The following DACH2 variants were observed in gnomAD, a reference collection of about 807,000 sequenced individuals.
DACH2 encodes the protein dachshund homolog 2.
DACH2 carries 17 observed loss-of-function variants against 35.8 expected under a neutral mutation model. That is an observed-to-expected ratio of 0.48 (90% CI 0.33 to 0.71). DACH2 has a LOEUF of 0.71. DACH2 is among the 30% of genes least tolerant of loss of function. The pLI is 0.02. For missense variants in DACH2, 469 were observed against 472.7 expected (o/e 0.99, Z 0.07); for synonymous variants, 195 against 177.3 (o/e 1.10, Z -0.79).
intron 1 of DACH2, among the ~76,000 whole-genome samples, chrX:86,180,428 A>C (rs1432445947): frequency 9.2e-6 from 1 of 108,708 alleles, no homozygotes; most frequent in Non-Finnish European, 1.9e-5. Flanking sequence ...GTATTTTAAA[A>C]AATATAATGC....
At chrX:86,314,865 G>A (rs1297620767) in intron 1 of DACH2, among the ~76,000 whole-genome samples, 1 of 112,012 alleles carries the variant, frequency 8.9e-6, no homozygotes, top group African/African-American at 3.2e-5. Context: ...GCTAGCCAAA[G>A]TCAGTTCATG....
intron 7 of DACH2, among the ~76,000 whole-genome samples, chrX:86,747,123 CAT>C (rs1399039936): frequency 1.8e-5 from 2 of 111,310 alleles, no homozygotes; most frequent in African/African-American, 6.5e-5. Flanking sequence ...AAAATAAAGA[CAT>C]ATGAGTCTTT....
chrX:86,200,127 C>A (rs1440135512), intron 1 of DACH2, among the ~76,000 whole-genome samples: 3 of 110,326 alleles, frequency 2.7e-5, no homozygotes, highest in Non-Finnish European at 5.7e-5. Context: ...ATAAAGAGCC[C>A]AGAATTATGG....
intron 2 of DACH2, among the ~76,000 whole-genome samples, chrX:86,501,627 T>C (rs1254701975): frequency 8.9e-6 from 1 of 112,043 alleles, no homozygotes; most frequent in Non-Finnish European, 1.9e-5. Context: ...CAACTGACCT[T>C]GCTTCCCCAC....
chrX:86,605,767 C>T (rs763868985), intron 3 of DACH2, among the ~76,000 whole-genome samples: 1 of 108,069 alleles, frequency 9.3e-6, no homozygotes, highest in South Asian at 3.9e-4. Context: ...TTTTTTCAAT[C>T]TTTTTTTGTC....
intron 3 of DACH2, among the ~76,000 whole-genome samples, chrX:86,560,633 A>T (rs2039204219): frequency 1.1e-5 from 1 of 88,305 alleles, no homozygotes; most frequent in Non-Finnish European, 2.2e-5. Flanking sequence ...AACCTGAGAA[A>T]AACAAGCAAT....
rs752576150 is a variant in DACH2, at chrX:86,656,857, G to GTATATATATATA, written c.772+5713_772+5724dup. Among the ~76,000 whole-genome samples the GTATATATATATA allele has an allele frequency of 4.5e-3, 298 of 66,703 alleles. 2 individuals carry two copies. The highest frequency in any genetic ancestry group is 0.017 in the African/African-American group (231 of 13,863). 57.9% of individuals were successfully genotyped at this position (66,703 alleles called of 115,157 possible). A position where few individuals can be genotyped will look rare whatever the true frequency, so the allele number is the denominator to read the frequency against. On this transcript the variant is annotated intron_variant, in intron 4 of 11. Transcript: ENST00000373125. Reference sequence around the variant, plus strand: ...TGTATTAAAATACATGTGTGTGTGTGTATATATATATATATATATATATAT... The same window carrying GTATATATATATA: ...TGTATTAAAATACATGTGTGTGTGTGTATATATATATATATATATATATATATATATATATAT...
intron 3 of DACH2, among the ~76,000 whole-genome samples, chrX:86,546,039 A>T (rs181352105): frequency 5.7e-4 from 50 of 88,119 alleles, no homozygotes; most frequent in Admixed American, 9.4e-4. Flanking sequence ...AGAATATGAA[A>T]TAAAACATTG....
At chrX:86,632,838 A>G (rs1419001311) in intron 3 of DACH2, among the ~76,000 whole-genome samples, 1 of 111,271 alleles carries the variant, frequency 9.0e-6, no homozygotes, top group Non-Finnish European at 1.9e-5. Flanking sequence ...TGCTCCTGAG[A>G]GTTCTTTGGG....
At chrX:86,430,086 G>A (rs1015868461) in intron 2 of DACH2, among the ~76,000 whole-genome samples, 1 of 112,008 alleles carries the variant, frequency 8.9e-6, no homozygotes, top group Admixed American at 9.5e-5. Context: ...TAATATTGTG[G>A]CATGGTTTGA....
At chrX:86,217,195 G>T (rs2032596603) in intron 1 of DACH2, among the ~76,000 whole-genome samples, 1 of 109,437 alleles carries the variant, frequency 9.1e-6, no homozygotes, top group Non-Finnish European at 1.9e-5. Flanking sequence ...TTTCAATAAT[G>T]CATAATAAAA....
At position 86,575,080 on chromosome X, in the gene DACH2, A is replaced by T. The variant is rs371119497; in HGVS notation, c.640+60689A>T. ...ATGGAAGGAAGAAATTTCTTCTTTA[A>T]GTGAATGTGGATCATTGGTTTGCTG... is the stretch of plus-strand genomic sequence containing the variant. On this transcript the variant is annotated intron_variant, in intron 3 of 11. Transcript: ENST00000373125. Among the ~76,000 whole-genome samples the T allele has an allele frequency of 2.4e-4, 27 of 111,273 alleles. No homozygotes were observed. The East Asian group carries it at 2.8e-3, about 12-fold the overall frequency.
rs761810641 is a variant in DACH2 at position 86,682,513 on chromosome X, C to A, written c.773-12508C>A. Among the ~76,000 whole-genome samples the A allele has an allele frequency of 1.1e-3, 124 of 111,857 alleles. 1 individual carries two copies. Among genetic ancestry groups the A allele is most frequent in the African/African-American group, 3.8e-3 (118 of 30,827 alleles). The stretch of plus-strand genomic sequence containing the variant: ...TGCCCAGTGTGCTTTCAGCGTTTTT[C>A]AGGCTCACAGTGTGTGTTCAGTGAA... On this transcript the variant is annotated intron_variant, in intron 4 of 11. Coordinates refer to ENST00000373125, the MANE Select transcript of DACH2 (RefSeq NM_053281.3).
At chrX:86,540,297 A>G (rs1395470752) in intron 3 of DACH2, among the ~76,000 whole-genome samples, 1 of 111,636 alleles carries the variant, frequency 9.0e-6, no homozygotes, top group Non-Finnish European at 1.9e-5. Context: ...GATATTCTTT[A>G]GTCTGCAGTG....
intron 2 of DACH2, among the ~76,000 whole-genome samples, chrX:86,402,478 G>T (rs2036452078): frequency 9.0e-6 from 1 of 111,349 alleles, no homozygotes; most frequent in Non-Finnish European, 1.9e-5. Context: ...GACCAAGGAG[G>T]TGTAATATCT....
At chrX:86,680,844 G>A (rs767772918) in intron 4 of DACH2, among the ~76,000 whole-genome samples, 3 of 107,754 alleles carry the variant, frequency 2.8e-5, no homozygotes, top group African/African-American at 6.8e-5. Flanking sequence ...TGTAAACATG[G>A]GGCTATGCTA....
At chrX:86,173,593 G>C (rs2031199878) in intron 1 of DACH2, among the ~76,000 whole-genome samples, 1 of 111,795 alleles carries the variant, frequency 8.9e-6, no homozygotes, top group Non-Finnish European at 1.9e-5. Flanking sequence ...TTTGAGGAAT[G>C]TTAAGAAGCC....
chrX:86,168,575 TTTC>T (rs2147870899), intron 1 of DACH2, among the ~76,000 whole-genome samples: 1 of 110,222 alleles, frequency 9.1e-6, no homozygotes, highest in African/African-American at 3.3e-5. Context: ...TGTTATTTGT[TTTC>T]TTGTCTTTTT....
intron 1 of DACH2, among the ~76,000 whole-genome samples, chrX:86,219,514 A>G (rs975928729): frequency 9.0e-6 from 1 of 111,390 alleles, no homozygotes; most frequent in Non-Finnish European, 1.9e-5. Context: ...CTTTGTATGA[A>G]CAATGCTTTT....
Sources: allele counts gnomAD v4.1 joint callset (sites outside exome capture counted in the v4.1 genomes callset), GRCh38; gene constraint gnomAD v4.1.1; transcripts MANE v1.5; gene names NCBI Gene and HGNC (gene_info 2026-07-23, HGNC 2026-07-21).